ROPN1L: variants seen among roughly 807,000 people sequenced by gnomAD.
The protein encoded by ROPN1L is ropporin-1-like protein.
A neutral mutation model predicts 22.7 loss-of-function variants in ROPN1L; 23 were observed. That is an observed-to-expected ratio of 1.01 (90% CI 0.73 to 1.43). The LOEUF (loss-of-function observed/expected upper bound fraction) is 1.43, where lower values mean the gene tolerates loss of function less well. Among genes scored for constraint, ROPN1L ranks in the 40% most tolerant of loss-of-function variants. The probability of loss-of-function intolerance (pLI) is 0.00; values close to 1 mark genes in which losing one functional copy is unlikely to be tolerated. For missense variants in ROPN1L, 271 were observed against 291.5 expected (o/e 0.93, Z 0.51); for synonymous variants, 116 against 117.8 (o/e 0.98, Z 0.10).
At position 10,461,229 on chromosome 5, in the gene ROPN1L, G is replaced by T. The variant is rs1190893461; in HGVS notation, c.463G>T (p.Asp155Tyr). 6.2e-7 allele frequency: 1 copy of T among 1,614,120 alleles called. No individual in the cohort carries two copies. Residue 155 changes from aspartate (D) to tyrosine (Y), a missense_variant, in exon 4 of 5, where the codon GAT (aspartate) becomes TAT (tyrosine). Asp to Tyr is a radical substitution (Grantham distance 160). Coordinates refer to ENST00000274134, the MANE Select transcript of ROPN1L (RefSeq NM_031916.5). Reference protein sequence around the residue: ...LKHLCEILTDDPEGGPARIPF... With the variant: ...LKHLCEILTDYPEGGPARIPF... ...GCACCTGTGCGAGATCCTCACGGAC[G>T]ATCCGGAGGGCGGGCCCGCTCGCAT... is the stretch of plus-strand genomic sequence containing the variant.
At chr5:10,461,814 C>T (rs1013952747) in intron 4 of ROPN1L, among the ~76,000 whole-genome samples, 1 of 152,206 alleles carries the variant, frequency 6.6e-6, no homozygotes, top group Non-Finnish European at 1.5e-5. Flanking sequence ...TATTTGATTA[C>T]AAAGGATATT....
chr5:10,470,974 C>G (rs761247748), intron 4 of ROPN1L, among the ~76,000 whole-genome samples: 1 of 152,206 alleles, frequency 6.6e-6, no homozygotes, highest in Non-Finnish European at 1.5e-5. Flanking sequence ...GGCACACTTC[C>G]TTGTCCAAAG....
At chr5:10,457,682 T>C (rs1290450958) in intron 3 of ROPN1L, among the ~76,000 whole-genome samples, 2 of 152,188 alleles carry the variant, frequency 1.3e-5, no homozygotes, top group African/African-American at 2.4e-5. Flanking sequence ...TCCCATAGCC[T>C]GGAGCGGCCT....
At position 10,458,414 on chromosome 5, in the gene ROPN1L, C is replaced by A. The variant is rs144354274; in HGVS notation, c.418-2770C>A. Among the ~76,000 whole-genome samples the A allele has an allele frequency of 2.5e-3, 379 of 151,674 alleles. 3 individuals carry two copies. Among genetic ancestry groups the A allele is most frequent in the Non-Finnish European group, 3.8e-3 (257 of 67,802 alleles). On this transcript the variant is annotated intron_variant, in intron 3 of 4. Coordinates refer to ENST00000274134, the MANE Select transcript of ROPN1L (RefSeq NM_031916.5). ...TACACCGTCCTGCTCGTATACACTA[C>A]CCCACCCATGTATACCATCCCCCCG...
rs567612718 is a variant in ROPN1L at position 10,446,767 on chromosome 5, C to T, written c.132-1493C>T. On this transcript the variant is annotated intron_variant, in intron 1 of 4. Transcript: ENST00000274134. ...CATTATCCCCCACTGAGAACTCTGC[C>T]TCCAGAGGCTGTATCTAGCTCGGGA... is the stretch of plus-strand genomic sequence containing the variant. 9.2e-5 allele frequency among the ~76,000 whole-genome samples: 14 copies of T among 152,144 alleles called. No homozygotes were observed. In the East Asian group the frequency reaches 2.5e-3, roughly 27 times the overall value.
At chr5:10,454,450 G>A (rs1377044799) in intron 3 of ROPN1L, among the ~76,000 whole-genome samples, 2 of 152,068 alleles carry the variant, frequency 1.3e-5, no homozygotes, top group African/African-American at 4.8e-5. Flanking sequence ...TTTCTACAAT[G>A]CCATTAATGA....
intron 4 of ROPN1L, among the ~76,000 whole-genome samples, chr5:10,464,569 T>A (rs1276092716): frequency 6.6e-6 from 1 of 152,186 alleles, no homozygotes; most frequent in Non-Finnish European, 1.5e-5. Context: ...CAGCCACTTC[T>A]CCCACCACTT....
intron 3 of ROPN1L, among the ~76,000 whole-genome samples, chr5:10,452,654 A>G (rs370013993): frequency 4.9e-4 from 75 of 152,250 alleles, no homozygotes; most frequent in African/African-American, 1.8e-3. Context: ...TCGATATGTT[A>G]ACAATATAAA....
At chr5:10,466,928 C>T (rs1201462737), downstream of ROPN1L, among the ~76,000 whole-genome samples, 1 of 152,166 alleles carries the variant, frequency 6.6e-6, no homozygotes. Flanking sequence ...TGTCCTCCTC[C>T]TGGGTCCTCA....
rs1735126225 is a variant in ROPN1L, at chr5:10,464,944, T to C, written c.690T>C (p.His230=). Residue 230 remains histidine, a synonymous_variant, in exon 5 of 5, where the codon CAT becomes CAC. Coordinates refer to ENST00000274134, the MANE Select transcript of ROPN1L (RefSeq NM_031916.5). ...TTGAAAACTCTGAAGATGTAGGCCA[T>C]TAATACAGAGAAGAATACATTTTAA... is the stretch of plus-strand genomic sequence containing the variant. ...ESIENSEDVG[H] 3.9e-6 allele frequency: 6 copies of C among 1,552,802 alleles called. No individual in the cohort carries two copies. Among genetic ancestry groups the C allele is most frequent in the Admixed American group, 1.9e-5 (1 of 52,626 alleles).
chr5:10,475,269 C>A (rs904394198), downstream of ROPN1L, among the ~76,000 whole-genome samples: 13 of 152,214 alleles, frequency 8.5e-5, no homozygotes, highest in African/African-American at 3.1e-4. Context: ...AAGGGGATTT[C>A]TCTGGGTGTA....
the ROPN1L span, among the ~76,000 whole-genome samples, chr5:10,477,365 T>G: frequency 1.4e-4 from 22 of 152,324 alleles, no homozygotes; most frequent in Admixed American, 1.2e-3. Flanking sequence ...ACTTGCTACC[T>G]TCATCTATAG....
chr5:10,461,605 C>A (rs1735032046), intron 4 of ROPN1L: 3 of 402,632 alleles, frequency 7.5e-6, no homozygotes, highest in Admixed American at 8.6e-5. Flanking sequence ...CTGGAGATAG[C>A]CTGAGATCCC....
At chr5:10,449,474 A>G (rs890514560) in intron 2 of ROPN1L, among the ~76,000 whole-genome samples, 7 of 152,308 alleles carry the variant, frequency 4.6e-5, no homozygotes, top group Admixed American at 1.3e-4. Flanking sequence ...AGCCGAAATC[A>G]TGCCGCTGCA....
chr5:10,451,056 G>A (rs1741238007), intron 3 of ROPN1L, among the ~76,000 whole-genome samples: 2 of 152,220 alleles, frequency 1.3e-5, no homozygotes, highest in South Asian at 4.1e-4. Flanking sequence ...CCAGGCATCT[G>A]CCATGTGAAG....
At chr5:10,456,922 C>A (rs1232255542) in intron 3 of ROPN1L, among the ~76,000 whole-genome samples, 1 of 152,164 alleles carries the variant, frequency 6.6e-6, no homozygotes, top group South Asian at 2.1e-4. Flanking sequence ...CCTTCCTTTC[C>A]GACTCATCCT....
rs1220866554 is a variant in ROPN1L at position 10,444,317 on chromosome 5, T to A, written c.131+2019T>A. Among the ~76,000 whole-genome samples, 16 of 152,138 alleles carry A rather than the reference T, an allele frequency of 1.1e-4. No homozygotes were observed. In the East Asian group the frequency reaches 3.1e-3, roughly 30 times the overall value. ...TTATTTATTTATTTTTGAGACGGAG[T>A]TTCACTCTTGTTGCCCAGGCTGGAG... is the stretch of plus-strand genomic sequence containing the variant. On this transcript the variant is annotated intron_variant, in intron 1 of 4. Transcript: ENST00000274134.
chr5:10,454,101 C>T (rs1741342715), intron 3 of ROPN1L, among the ~76,000 whole-genome samples: 1 of 151,454 alleles, frequency 6.6e-6, no homozygotes, highest in African/African-American at 2.4e-5. Flanking sequence ...GTGAAATGAC[C>T]ATATTTGTAT....
the ROPN1L span, among the ~76,000 whole-genome samples, chr5:10,481,294 G>A: frequency 6.6e-6 from 1 of 152,254 alleles, no homozygotes; most frequent in Non-Finnish European, 1.5e-5. Flanking sequence ...CAGTTCCCAG[G>A]AGGAGGGGCC....
Sources: allele counts gnomAD v4.1 joint callset (sites outside exome capture counted in the v4.1 genomes callset), GRCh38; gene constraint gnomAD v4.1.1; transcripts MANE v1.5; gene names NCBI Gene and HGNC (gene_info 2026-07-23, HGNC 2026-07-21).